The following UBAP2 variants were observed in gnomAD, a reference collection of about 807,000 sequenced individuals.
UBAP2 encodes the protein ubiquitin-associated protein 2.
In UBAP2, 75 loss-of-function variants were observed where a neutral mutation model predicts 139.6. That is an observed-to-expected ratio of 0.54 (90% CI 0.45 to 0.65). The LOEUF (loss-of-function observed/expected upper bound fraction) is 0.65. UBAP2 is among the 30% of genes least tolerant of loss of function. The probability of loss-of-function intolerance (pLI) is 0.00; values close to 1 mark genes in which losing one functional copy is unlikely to be tolerated. For synonymous variants in UBAP2, 526 were observed against 526.2 expected (o/e 1.00, Z 0.01); for missense variants, 1,368 against 1,369.6 (o/e 1.00, Z 0.02).
At chr9:33,968,442 T>C (rs1827640820) in intron 8 of UBAP2, 2 of 559,420 alleles carry the variant, frequency 3.6e-6, no homozygotes, top group South Asian at 1.4e-5. Context: ...GCCGAGGGCA[T>C]GTGCAGCCTG....
intron 15 of UBAP2, among the ~76,000 whole-genome samples, chr9:33,942,549 G>A (rs1324205433): frequency 1.3e-5 from 2 of 151,800 alleles, no homozygotes; most frequent in Non-Finnish European, 2.9e-5. Context: ...GCAACATGAC[G>A]AAACCCTGTC....
At chr9:33,970,498 T>A (rs1180226980) in intron 8 of UBAP2, among the ~76,000 whole-genome samples, 2 of 150,830 alleles carry the variant, frequency 1.3e-5, no homozygotes, top group Admixed American at 6.6e-5. Flanking sequence ...GGCAAAATCA[T>A]AGCTCACTGC....
chr9:33,928,829 C>A (rs1175083599), intron 19 of UBAP2: 1 of 152,380 alleles, frequency 6.6e-6, no homozygotes, highest in South Asian at 2.1e-4. Flanking sequence ...TAGAAAGCAG[C>A]ATATAAACTC....
intron 1 of UBAP2, among the ~76,000 whole-genome samples, chr9:34,042,092 T>A (rs972670387): frequency 1.3e-5 from 2 of 152,072 alleles, no homozygotes; most frequent in Non-Finnish European, 2.9e-5. Context: ...ATCAGAAGAA[T>A]CATACAATTC....
Position 33,941,758 on chromosome 9 carries a change from GA to G in UBAP2, c.1819del (p.Ser607LeufsTer5). The G allele has an allele frequency of 1.2e-6, 2 of 1,614,098 alleles. No homozygotes were observed. On this transcript the variant is annotated frameshift_variant, in exon 16 of 29. Transcript: ENST00000379238. LOFTEE classifies it high-confidence loss of function. ...GGAAGACATTGCTACTGGACTAGCA[GA>G]ATTCAGTGATGAGCTTGTCAGACTG... ...SCSLTSSSLN[S>X]ASPVAMSSSY...
At chr9:33,926,551 C>A in intron 22 of UBAP2, 66 bp downstream of exon 22, 2 of 1,573,896 alleles carry the variant, frequency 1.3e-6, no homozygotes, top group Admixed American at 1.7e-5. Context: ...GCAGCCAAGA[C>A]CATAAGAGGG....
chr9:34,017,340 G>C (rs1285604629), intron 1 of UBAP2, among the ~76,000 whole-genome samples, 151 bp from the exon 2 acceptor site: 2 of 152,178 alleles, frequency 1.3e-5, no homozygotes, highest in Non-Finnish European at 2.9e-5. Flanking sequence ...CATTTTGCTG[G>C]TATCTGTTAA....
intron 6 of UBAP2, among the ~76,000 whole-genome samples, chr9:33,976,181 T>C (rs757381965): frequency 4.6e-5 from 7 of 152,172 alleles, no homozygotes; most frequent in Non-Finnish European, 8.8e-5. Flanking sequence ...TTTCAGTCTA[T>C]AGCTTTTGGC....
At chr9:34,038,143 G>GAAAA (rs78650365) in intron 1 of UBAP2, among the ~76,000 whole-genome samples, 10 of 127,242 alleles carry the variant, frequency 7.9e-5, no homozygotes, top group Non-Finnish European at 8.2e-5. Flanking sequence ...TCCAGCCTGG[G>GAAAA]AAAAAAAAAA....
chr9:33,941,586 AC>A, intron 16 of UBAP2, 62 bp downstream of exon 16: 1 of 1,368,098 alleles, frequency 7.3e-7, no homozygotes, highest in Non-Finnish European at 1.0e-6. Flanking sequence ...GCATAATTTA[AC>A]CAAACATTAA....
At chr9:33,981,082 T>G (rs1220251986) in intron 6 of UBAP2, among the ~76,000 whole-genome samples, 1 of 22,000 alleles carries the variant, frequency 4.5e-5, no homozygotes, top group Non-Finnish European at 1.0e-4. Context: ...TATATATATA[T>G]ATATATATAT....
At chr9:33,969,248 T>G (rs1408865596) in intron 8 of UBAP2, among the ~76,000 whole-genome samples, 1 of 152,218 alleles carries the variant, frequency 6.6e-6, no homozygotes, top group East Asian at 1.9e-4. Flanking sequence ...TGATTTGACT[T>G]GTTTTTTAAA....
chr9:33,922,917 G>A (rs780423431), intron 27 of UBAP2, 39 bp from the exon 28 acceptor site: 1 of 1,613,864 alleles, frequency 6.2e-7, no homozygotes, highest in East Asian at 2.2e-5. Flanking sequence ...GTCAGGTTGG[G>A]CTGTAACCTC....
In UBAP2 at chr9:33,980,220, C is replaced by CTTTTTTTT. The variant is rs1173781682; in HGVS notation, c.520+6532_520+6539dup. On this transcript the variant is annotated intron_variant, in intron 6 of 28. Transcript: ENST00000379238. ...TTAATCCAAATCCTGAGTGTCATTT[C>CTTTTTTTT]TTTTTTTTTTTTTTTTTTTTTTTTT... 9.3e-3 allele frequency among the ~76,000 whole-genome samples: 455 copies of CTTTTTTTT among 49,142 alleles called. 122 individuals are homozygous for CTTTTTTTT. Among genetic ancestry groups the CTTTTTTTT allele is most frequent in the East Asian group, 0.034 (52 of 1,550 alleles). The allele number at this position is 49,142 out of a possible 152,430, so 32.2% of individuals were successfully genotyped here. A position where few individuals can be genotyped will look rare whatever the true frequency, so the allele number is the denominator to read the frequency against.
At chr9:34,034,006 G>A (rs1826114212) in intron 1 of UBAP2, among the ~76,000 whole-genome samples, 2 of 152,032 alleles carry the variant, frequency 1.3e-5, no homozygotes, top group South Asian at 4.1e-4. Flanking sequence ...AAAGTCCTAG[G>A]ATTAAAGGCA....
intron 6 of UBAP2, among the ~76,000 whole-genome samples, chr9:33,979,832 C>T (rs1230013297): frequency 6.6e-6 from 1 of 152,062 alleles, no homozygotes; most frequent in Non-Finnish European, 1.5e-5. Flanking sequence ...TGCACCACTG[C>T]ACTCCAGCCT....
At chr9:34,030,580 G>A (rs936923068) in intron 1 of UBAP2, among the ~76,000 whole-genome samples, 3 of 151,988 alleles carry the variant, frequency 2.0e-5, no homozygotes, top group African/African-American at 4.8e-5. Flanking sequence ...CCGTGATCAC[G>A]CCAGTGCACT....
intron 19 of UBAP2, among the ~76,000 whole-genome samples, chr9:33,930,527 A>G (rs772677061): frequency 2.6e-5 from 4 of 152,176 alleles, no homozygotes; most frequent in Non-Finnish European, 4.4e-5. Context: ...GTGGGGATAC[A>G]CAAGTGGGGA....
At chr9:33,959,130 G>C (rs547818561) in intron 10 of UBAP2, among the ~76,000 whole-genome samples, 2 of 151,342 alleles carry the variant, frequency 1.3e-5, no homozygotes, top group East Asian at 3.9e-4. Flanking sequence ...CCTGGTGACA[G>C]AGCGAGAGCA....
Sources: allele counts gnomAD v4.1 joint callset (sites outside exome capture counted in the v4.1 genomes callset), GRCh38; gene constraint gnomAD v4.1.1; transcripts MANE v1.5; gene names NCBI Gene and HGNC (gene_info 2026-07-23, HGNC 2026-07-21).